CACNB4: variants seen among roughly 807,000 people sequenced by gnomAD.
The protein encoded by CACNB4 is calcium voltage-gated channel auxiliary subunit beta 4.
In CACNB4, 32 loss-of-function variants were observed where a neutral mutation model predicts 71.2. The observed-to-expected ratio is 0.45, with a 90% confidence interval of 0.34 to 0.60. The LOEUF (loss-of-function observed/expected upper bound fraction) is 0.60. Ranked by LOEUF, CACNB4 falls within the 20% of genes least tolerant of loss-of-function variation. The pLI is 0.01. For missense variants in CACNB4, 464 were observed against 647.9 expected (o/e 0.72, Z 3.08); for synonymous variants, 231 against 236.9 (o/e 0.97, Z 0.23).
chr2:151,849,255 G>C (rs1248652447), intron 12 of CACNB4, among the ~76,000 whole-genome samples: 1 of 152,024 alleles, frequency 6.6e-6, no homozygotes, highest in Non-Finnish European at 1.5e-5. Context: ...AATTTAGGCA[G>C]CCTCTGTGAT....
intron 2 of CACNB4, among the ~76,000 whole-genome samples, chr2:151,920,073 A>G (rs952514082): frequency 1.3e-5 from 2 of 152,308 alleles, no homozygotes; most frequent in East Asian, 3.9e-4. Context: ...TATTATGGCA[A>G]CCTAATAAGT....
At chr2:152,031,939 G>C (rs1684305883) in intron 2 of CACNB4, among the ~76,000 whole-genome samples, 1 of 152,192 alleles carries the variant, frequency 6.6e-6, no homozygotes, top group African/African-American at 2.4e-5. Flanking sequence ...AAGGGTGAAA[G>C]CCTCACAGCC....
chr2:151,895,219 A>G (rs2099851751), intron 2 of CACNB4, among the ~76,000 whole-genome samples: 1 of 151,812 alleles, frequency 6.6e-6, no homozygotes, highest in Non-Finnish European at 1.5e-5. Context: ...AAGCTACAGT[A>G]CCTAAAACAG....
At chr2:151,918,885 A>C (rs538729414) in intron 2 of CACNB4, among the ~76,000 whole-genome samples, 338 of 152,364 alleles carry the variant, frequency 2.2e-3, no homozygotes, top group Non-Finnish European at 3.4e-3. Context: ...AGATTTTATA[A>C]AATTTTAAAT....
At chr2:151,862,954 G>A (rs2099842116) in intron 9 of CACNB4, among the ~76,000 whole-genome samples, 1 of 152,154 alleles carries the variant, frequency 6.6e-6, no homozygotes, top group African/African-American at 2.4e-5. Context: ...TTGAGGTAGA[G>A]TAAACCCACA....
chr2:151,961,380 C>T (rs2099869606), intron 2 of CACNB4, among the ~76,000 whole-genome samples: 1 of 152,222 alleles, frequency 6.6e-6, no homozygotes, highest in East Asian at 1.9e-4. Flanking sequence ...GCTTTCTCCA[C>T]AAAACTAACA....
At position 152,009,487 on chromosome 2, in the gene CACNB4, A is replaced by G. The variant is rs116721430; in HGVS notation, c.147+88843T>C. Among the ~76,000 whole-genome samples, 216 of 152,316 alleles carry G rather than the reference A, an allele frequency of 1.4e-3. 2 individuals carry two copies. Among genetic ancestry groups the G allele is most frequent in the African/African-American group, 4.8e-3 (201 of 41,574 alleles). ...CCGATGGTGACAAATGTACCATAGT[A>G]AGGTAAGATGTTACTAACGGGGGAA... On this transcript the variant is annotated intron_variant, in intron 2 of 13. Transcript: ENST00000539935.
At chr2:152,074,889 T>C (rs1686922755) in intron 2 of CACNB4, among the ~76,000 whole-genome samples, 1 of 151,934 alleles carries the variant, frequency 6.6e-6, no homozygotes, top group South Asian at 2.1e-4. Context: ...TAACCACTAA[T>C]ATCACCGTGA....
rs149024483 is a variant in CACNB4 at position 151,843,426 on chromosome 2, C to T, written c.1117-1338G>A. On this transcript the variant is annotated intron_variant, in intron 12 of 13. Transcript: ENST00000539935. ...AACACCTGGGCTCTAGCGATCCTCC[C>T]ACCTCGGCTTCCTGAGTAGCTGGGA... 7.9e-5 allele frequency among the ~76,000 whole-genome samples: 12 copies of T among 152,148 alleles called. No individual in the cohort carries two copies. In the East Asian group the frequency reaches 2.3e-3, roughly 29 times the overall value.
chr2:151,999,308 C>T (rs557768697), intron 2 of CACNB4, among the ~76,000 whole-genome samples: 1 of 151,906 alleles, frequency 6.6e-6, no homozygotes, highest in South Asian at 2.1e-4. Context: ...CTGCTGGTAC[C>T]TTCGGGACAA....
At chr2:152,087,447 A>AG (rs937662727) in intron 2 of CACNB4, among the ~76,000 whole-genome samples, 1 of 151,816 alleles carries the variant, frequency 6.6e-6, no homozygotes, top group Non-Finnish European at 1.5e-5. Context: ...AAAAAAAAAA[A>AG]AAGAATTTTG....
chr2:151,968,699 T>C (rs2099871767), intron 2 of CACNB4: 1 of 152,130 alleles, frequency 6.6e-6, no homozygotes, highest in African/African-American at 2.4e-5. Flanking sequence ...ACAGAATGTC[T>C]TGCACCACAG....
rs925940329 is a variant in CACNB4, at chr2:151,839,319, G to A, written c.1363C>T (p.Leu455=). ...TGATAATTTTCATCAGAGGTCATTA[G>A]ACTTCGTCTTTCAATTGGAGAGTTC... is the stretch of plus-strand genomic sequence containing the variant. ...TENSPIERRS[L]MTSDENYHNE... is the part of the protein sequence containing the mutation. Residue 455 remains leucine (L), a synonymous_variant, in exon 14 of 14, where the codon CTA becomes TTA. Transcript: ENST00000539935. 1 of 1,613,260 alleles carries A rather than the reference G, an allele frequency of 6.2e-7. No individual in the cohort carries two copies. Among genetic ancestry groups the A allele is most frequent in the Non-Finnish European group, 8.5e-7 (1 of 1,179,272 alleles).
intron 2 of CACNB4, among the ~76,000 whole-genome samples, chr2:151,990,041 T>C (rs1300500828): frequency 6.6e-6 from 1 of 152,176 alleles, no homozygotes; most frequent in Non-Finnish European, 1.5e-5. Flanking sequence ...CATCCAACTG[T>C]GCCCACCCCT....
chr2:152,072,878 T>TG (rs1686778266), intron 2 of CACNB4, among the ~76,000 whole-genome samples: 1 of 151,820 alleles, frequency 6.6e-6, no homozygotes, highest in African/African-American at 2.4e-5. Flanking sequence ...CTCGATCTCC[T>TG]GACCTCAGGA....
chr2:151,965,105 C>G (rs11686932), intron 2 of CACNB4, among the ~76,000 whole-genome samples: 4,390 of 152,292 alleles, frequency 0.029, 65 homozygotes, highest in African/African-American at 0.039. Context: ...CATTAATCTC[C>G]AGGACATCAT....
chr2:151,967,197 GCCACCATGCC>G (rs1210668846), intron 2 of CACNB4: 1 of 152,000 alleles, frequency 6.6e-6, no homozygotes, highest in African/African-American at 2.4e-5. Flanking sequence ...ACAGGTACAT[GCCACCATGCC>G]CCACTAATTT....
rs2099839845 is a variant in CACNB4, at chr2:151,854,731, C to T, written c.1020+493G>A. ...TTATCGTGGAATAACCACATTCTTTCAAGAACTCAACCTAAGCACAAATGT... is the reference window on the plus strand; with the variant it reads ...TTATCGTGGAATAACCACATTCTTTTAAGAACTCAACCTAAGCACAAATGT... On this transcript the variant is annotated intron_variant, in intron 11 of 13. Transcript: ENST00000539935. The T allele has an allele frequency of 2.0e-5, 3 of 152,322 alleles. No individual in the cohort carries two copies. The South Asian group carries it at 6.2e-4, about 32-fold the overall frequency. The allele number at this position is 152,322 out of a possible 1,614,324, so 9.4% of individuals were successfully genotyped here. A position where few individuals can be genotyped will look rare whatever the true frequency, so the allele number is the denominator to read the frequency against.
intron 2 of CACNB4, among the ~76,000 whole-genome samples, chr2:151,929,466 T>C (rs978060246): frequency 6.6e-6 from 1 of 152,182 alleles, no homozygotes; most frequent in African/African-American, 2.4e-5. Context: ...GACCCACAAA[T>C]GGGTTATAAC....
Sources: gnomAD v4.1 joint callset for allele counts (sites outside exome capture counted in the v4.1 genomes callset) on GRCh38, gnomAD v4.1.1 for gene constraint, MANE v1.5 for transcripts, NCBI Gene and HGNC (gene_info 2026-07-23, HGNC 2026-07-21) for gene names.